KHDC4: variants seen among roughly 807,000 people sequenced by gnomAD.
The protein encoded by KHDC4 is KH domain containing 4, pre-mRNA splicing factor.
Under a neutral mutation model 74.5 loss-of-function variants are expected in KHDC4, and 19 were observed. The observed-to-expected ratio is 0.26, with a 90% CI of 0.18 to 0.37. KHDC4 has a LOEUF of 0.37. Ranked by LOEUF, KHDC4 falls within the 10% of genes least tolerant of loss-of-function variation. The probability of loss-of-function intolerance (pLI) is 1.00; values close to 1 mark genes in which losing one functional copy is unlikely to be tolerated. For synonymous variants in KHDC4, 253 were observed against 266.1 expected, an observed-to-expected ratio of 0.95 and a Z score of 0.48; for missense variants, 632 against 754.1, an observed-to-expected ratio of 0.84 and a Z score of 1.90.
At chr1:155,916,205 G>C (rs188615360) in intron 12 of KHDC4, among the ~76,000 whole-genome samples, 1 of 152,188 alleles carries the variant, frequency 6.6e-6, no homozygotes, top group Admixed American at 6.5e-5. Flanking sequence ...TTCTTATGAA[G>C]GTTAATATAC....
intron 10 of KHDC4, among the ~76,000 whole-genome samples, chr1:155,920,331 G>A (rs955712259): frequency 6.6e-6 from 1 of 151,968 alleles, no homozygotes; most frequent in Admixed American, 6.6e-5. Context: ...CCAGCTACTT[G>A]GGAGGCTGAG....
intron 10 of KHDC4, chr1:155,920,019 G>A (rs764725969): frequency 5.8e-6 from 3 of 515,876 alleles, no homozygotes; most frequent in South Asian, 1.4e-5. Context: ...CCACAGAGAA[G>A]GACCCACCAT....
intron 6 of KHDC4, chr1:155,926,080 C>T: frequency 1.4e-6 from 1 of 701,456 alleles, no homozygotes; most frequent in East Asian, 2.8e-5. Context: ...CTTCTTAGTC[C>T]TCCAGTTGTC....
chr1:155,916,492 A>T, intron 12 of KHDC4, 133 bp downstream of exon 12: 1 of 676,908 alleles, frequency 1.5e-6, no homozygotes, highest in Non-Finnish European at 2.5e-6. Context: ...CAATTACAAC[A>T]AACAGAAGCA....
intron 2 of KHDC4, among the ~76,000 whole-genome samples, chr1:155,932,039 T>C (rs1674152843): frequency 6.6e-6 from 1 of 152,204 alleles, no homozygotes; most frequent in Non-Finnish European, 1.5e-5. Flanking sequence ...AGGTCTAAAT[T>C]TTAAATTGTA....
Position 155,923,695 on chromosome 1 carries a change from G to C in KHDC4, c.894-8C>G. The C allele has an allele frequency of 2.5e-6, 4 of 1,606,576 alleles. No homozygotes were observed. Among genetic ancestry groups the C allele is most frequent in the Non-Finnish European group, 3.4e-6 (4 of 1,173,536 alleles). On this transcript the variant is annotated splice_polypyrimidine_tract_variant and splice_region_variant and intron_variant, in intron 7 of 13. Transcript: ENST00000368321. ...CCTTCTGGTTTGGGGTGACTGCAAA[G>C]AAATAACCAGGAATTCAAAGGAGAG...
rs988660459 is a variant in KHDC4, at chr1:155,913,387, T to A, written c.*734A>T. 2 of 152,368 alleles carry A rather than the reference T, an allele frequency of 1.3e-5. No homozygotes were observed. The highest frequency in any genetic ancestry group is 4.8e-5 in the African/African-American group (2 of 41,456). 9.4% of individuals were successfully genotyped at this position (152,368 alleles called of 1,614,324 possible). A position where few individuals can be genotyped will look rare whatever the true frequency, so the allele number is the denominator to read the frequency against. ...GAGAGACCACTGTATTTCATTTCTG[T>A]GATGAGTTCTGACCAGTTTTAGTCA... On this transcript the variant is annotated 3_prime_UTR_variant, in exon 14 of 14. Coordinates refer to ENST00000368321, the MANE Select transcript of KHDC4 (RefSeq NM_014949.4).
At chr1:155,922,066 A>T (rs1351411172) in intron 8 of KHDC4, 148 bp from the exon 9 acceptor site, 29 of 376,678 alleles carry the variant, frequency 7.7e-5, no homozygotes, top group Admixed American at 1.7e-4. Context: ...TTTAACCCAC[A>T]TTTTTTTTTT....
chr1:155,931,050 G>A (rs1357462470), intron 2 of KHDC4, among the ~76,000 whole-genome samples: 1 of 151,834 alleles, frequency 6.6e-6, no homozygotes. Flanking sequence ...GGCTGGGACC[G>A]GTGGCTCACA....
At chr1:155,928,517 C>T (rs752530279) in intron 4 of KHDC4, among the ~76,000 whole-genome samples, 75 of 140,886 alleles carry the variant, frequency 5.3e-4, no homozygotes, top group Non-Finnish European at 9.1e-4. Flanking sequence ...AACTCAAACA[C>T]GGAATGATGG....
chr1:155,925,614 T>A lies in KHDC4; in HGVS notation c.893+18A>T. On this transcript the variant is annotated intron_variant, in intron 7 of 13. Coordinates refer to ENST00000368321, the MANE Select transcript of KHDC4 (RefSeq NM_014949.4). ...AGTTGACAAGAATTCACATGTCCCC[T>A]GCCCTATCCATCCATACCTGATGTA... 1 of 1,602,646 alleles carries A rather than the reference T, an allele frequency of 6.2e-7. No individual in the cohort carries two copies. Among genetic ancestry groups the A allele is most frequent in the Non-Finnish European group, 8.6e-7 (1 of 1,169,564 alleles).
rs1300331209 is a variant in KHDC4 at position 155,914,323 on chromosome 1, A to G, written c.1646-3T>C. ...TTTCATCTTCTTGGCTGGATAATCT[A>G]GAATAGAGAAAAAACAACCCCAACC... On this transcript the variant is annotated splice_region_variant and splice_polypyrimidine_tract_variant and intron_variant, in intron 13 of 13. Transcript: ENST00000368321. 1 of 1,612,430 alleles carries G rather than the reference A, an allele frequency of 6.2e-7. No individual in the cohort carries two copies. The highest frequency in any genetic ancestry group is 1.1e-5 in the South Asian group (1 of 91,026).
At chr1:155,933,377 G>A (rs774112708) in intron 2 of KHDC4, among the ~76,000 whole-genome samples, 7 of 149,926 alleles carry the variant, frequency 4.7e-5, no homozygotes, top group Non-Finnish European at 8.9e-5. Context: ...TGCAACCTCC[G>A]CCTCCCGGGT....
At chr1:155,932,994 G>C (rs1023980237) in intron 2 of KHDC4, among the ~76,000 whole-genome samples, 15 of 151,922 alleles carry the variant, frequency 9.9e-5, no homozygotes, top group African/African-American at 3.1e-4. Context: ...TGACACTATG[G>C]GGCTCACTTG....
At chr1:155,928,989 G>A (rs1178124032) in intron 4 of KHDC4, among the ~76,000 whole-genome samples, 6 of 150,670 alleles carry the variant, frequency 4.0e-5, no homozygotes, top group Non-Finnish European at 8.9e-5. Flanking sequence ...TATTTCTGCA[G>A]ATCATATGGA....
Position 155,933,869 on chromosome 1 carries a change from A to C in KHDC4, c.39-20T>G. 1 of 1,500,322 alleles carries C rather than the reference A, an allele frequency of 6.7e-7. No individual in the cohort carries two copies. The highest frequency in any genetic ancestry group is 8.9e-7 in the Non-Finnish European group (1 of 1,118,304). 92.9% of individuals were successfully genotyped at this position (1,500,322 alleles called of 1,614,324 possible). ...CGGCGCCTACATGGAGAAAAAGGAA[A>C]ACATTAGGCCCCAAAGCTTTCGTGT... On this transcript the variant is annotated intron_variant, in intron 1 of 13. Coordinates refer to ENST00000368321, the MANE Select transcript of KHDC4 (RefSeq NM_014949.4).
At chr1:155,921,025 C>T (rs147212634) in intron 10 of KHDC4, among the ~76,000 whole-genome samples, 76 of 152,288 alleles carry the variant, frequency 5.0e-4, no homozygotes, top group East Asian at 1.7e-3. Flanking sequence ...GTATTATCCA[C>T]GGGCTGCTTC....
intron 3 of KHDC4, 136 bp from the exon 4 acceptor site, chr1:155,929,511 A>C (rs1015531660): frequency 1.0e-6 from 1 of 995,680 alleles, no homozygotes; most frequent in African/African-American, 1.6e-5. Flanking sequence ...TTTTGATTCC[A>C]TGGTTTCTTA....
chr1:155,920,773 C>T (rs1385421521), intron 10 of KHDC4, among the ~76,000 whole-genome samples: 1 of 152,148 alleles, frequency 6.6e-6, no homozygotes, highest in Non-Finnish European at 1.5e-5. Context: ...TAAAGCAATC[C>T]TGCCTCGGCC....
Sources: allele counts gnomAD v4.1 joint callset (sites outside exome capture counted in the v4.1 genomes callset), GRCh38; gene constraint gnomAD v4.1.1; transcripts MANE v1.5; gene names NCBI Gene and HGNC (gene_info 2026-07-23, HGNC 2026-07-21).